MINDY3: variants seen among roughly 807,000 people sequenced by gnomAD.
MINDY3 encodes the protein MINDY lysine 48 deubiquitinase 3.
MINDY3 carries 38 observed loss-of-function variants against 69.2 expected under a neutral mutation model. That is an observed-to-expected ratio of 0.55 (90% CI 0.42 to 0.72). The LOEUF (loss-of-function observed/expected upper bound fraction) is 0.72, where lower values mean the gene tolerates loss of function less well. Ranked by LOEUF, MINDY3 falls within the 30% of genes least tolerant of loss-of-function variation. MINDY3 has a pLI of 0.00. For synonymous variants in MINDY3, 192 were observed against 180.1 expected (o/e 1.07, Z -0.53); for missense variants, 522 against 519.0 (o/e 1.01, Z -0.06).
intron 8 of MINDY3, among the ~76,000 whole-genome samples, chr10:15,822,326 GTC>G (rs1378309170): frequency 6.6e-6 from 1 of 151,910 alleles, no homozygotes; most frequent in African/African-American, 2.4e-5. Context: ...AACATATGTG[GTC>G]TCTCTGTACA....
chr10:15,816,282 G>GAAAAA (rs1421619763), intron 10 of MINDY3, among the ~76,000 whole-genome samples: 5 of 108,510 alleles, frequency 4.6e-5, no homozygotes, highest in African/African-American at 2.5e-4. Flanking sequence ...AAAAAAAAAT[G>GAAAAA]AAAAAGAAAA....
At chr10:15,785,730 A>T (rs1035037802) in intron 13 of MINDY3, among the ~76,000 whole-genome samples, 1 of 152,164 alleles carries the variant, frequency 6.6e-6, no homozygotes, top group Non-Finnish European at 1.5e-5. Context: ...TTTTATCTTG[A>T]GTTTAACAAT....
At chr10:15,798,039 C>A (rs775595602) in intron 10 of MINDY3, among the ~76,000 whole-genome samples, 1 of 152,238 alleles carries the variant, frequency 6.6e-6, no homozygotes, top group Non-Finnish European at 1.5e-5. Context: ...CTTACAGGGG[C>A]ACAAAATCAG....
intron 8 of MINDY3, 23 bp from the exon 9 acceptor site, chr10:15,821,749 C>CA (rs758272069): frequency 2.5e-6 from 4 of 1,590,274 alleles, no homozygotes; most frequent in Non-Finnish European, 3.4e-6. Flanking sequence ...ACAACAACAA[C>CA]AAAAAACGAA....
At chr10:15,845,552 G>A (rs1251395976) in intron 2 of MINDY3, among the ~76,000 whole-genome samples, 2 of 151,936 alleles carry the variant, frequency 1.3e-5, no homozygotes, top group Admixed American at 6.6e-5. Flanking sequence ...CAGGTTGGAG[G>A]GCAGTGGCAT....
At chr10:15,819,654 C>G (rs1167589971) in intron 9 of MINDY3, among the ~76,000 whole-genome samples, 1 of 152,158 alleles carries the variant, frequency 6.6e-6, no homozygotes, top group Non-Finnish European at 1.5e-5. Flanking sequence ...ACCCCAGTCC[C>G]CAGATGCAAT....
At chr10:15,825,941 A>C (rs781272466) in intron 8 of MINDY3, among the ~76,000 whole-genome samples, 8 of 152,166 alleles carry the variant, frequency 5.3e-5, no homozygotes, top group Admixed American at 2.6e-4. Context: ...CCCATAAAGA[A>C]AATTATAAAA....
At chr10:15,800,460 AGAG>A in intron 10 of MINDY3, among the ~76,000 whole-genome samples, 1 of 152,294 alleles carries the variant, frequency 6.6e-6, no homozygotes, top group South Asian at 2.1e-4. Context: ...GTATCTGCTC[AGAG>A]CACAAGTATG....
intron 3 of MINDY3, 36 bp downstream of exon 3, chr10:15,843,176 G>C: frequency 6.5e-7 from 1 of 1,549,618 alleles, no homozygotes; most frequent in Non-Finnish European, 8.9e-7. Flanking sequence ...TTAAAACAGA[G>C]GAGGAAGCAA....
chr10:15,847,805 A>G, intron 2 of MINDY3, 59 bp downstream of exon 2: 2 of 1,225,012 alleles, frequency 1.6e-6, no homozygotes, highest in South Asian at 1.2e-5. Context: ...TTAGAAAACG[A>G]CAAGTATGAA....
chr10:15,799,781 C>T (rs2131898999), intron 10 of MINDY3, among the ~76,000 whole-genome samples: 1 of 152,094 alleles, frequency 6.6e-6, no homozygotes, highest in South Asian at 2.1e-4. Context: ...GATTTTCGAA[C>T]TTTTAGAGTT....
chr10:15,858,363 C>A (rs893425392), intron 1 of MINDY3, among the ~76,000 whole-genome samples: 1 of 152,156 alleles, frequency 6.6e-6, no homozygotes, highest in African/African-American at 2.4e-5. Flanking sequence ...TTATAAAGTT[C>A]TATTTAGAAT....
At chr10:15,784,992 T>C (rs999424096) in intron 13 of MINDY3, among the ~76,000 whole-genome samples, 4 of 152,116 alleles carry the variant, frequency 2.6e-5, no homozygotes, top group Non-Finnish European at 5.9e-5. Flanking sequence ...TTCTCTAACT[T>C]GGGCCTCCAG....
In MINDY3 at chr10:15,821,683, T is replaced by A; in HGVS notation, c.774A>T (p.Thr258=). 6.2e-7 allele frequency: 1 copy of A among 1,611,814 alleles called. No individual in the cohort carries two copies. Among genetic ancestry groups the A allele is most frequent in the South Asian group, 1.1e-5 (1 of 90,466 alleles). Residue 258 remains threonine, a synonymous_variant, in exon 9 of 15, where the codon ACA becomes ACT. Coordinates refer to ENST00000277632, the MANE Select transcript of MINDY3 (RefSeq NM_024948.4). ...IHEQAAVGFL[T]LMEALRYCKV... The stretch of plus-strand genomic sequence containing the variant: ...TACAGTATCTTAAAGCTTCCATTAG[T>A]GTTAAAAATCCTACTGCTGCTTGTT...
At chr10:15,823,591 T>G (rs1472673694) in intron 8 of MINDY3, among the ~76,000 whole-genome samples, 1 of 152,192 alleles carries the variant, frequency 6.6e-6, no homozygotes, top group East Asian at 1.9e-4. Context: ...TTATGTTTTA[T>G]TTCTACAAAT....
At chr10:15,783,186 G>GT (rs1836685238) in intron 13 of MINDY3, among the ~76,000 whole-genome samples, 1 of 152,120 alleles carries the variant, frequency 6.6e-6, no homozygotes, top group African/African-American at 2.4e-5. Flanking sequence ...AGACCTCCCA[G>GT]TGCTGTTCAA....
chr10:15,829,133 G>T (rs199613061), intron 8 of MINDY3, among the ~76,000 whole-genome samples: 3 of 152,046 alleles, frequency 2.0e-5, no homozygotes, highest in South Asian at 2.1e-4. Context: ...GAATGAAGCC[G>T]ACTGAGGTAA....
At chr10:15,853,195 A>G (rs1161521336) in intron 1 of MINDY3, among the ~76,000 whole-genome samples, 1 of 152,116 alleles carries the variant, frequency 6.6e-6, no homozygotes, top group Non-Finnish European at 1.5e-5. Flanking sequence ...TGTGAATTAG[A>G]AAAGGGAAAG....
intron 10 of MINDY3, among the ~76,000 whole-genome samples, chr10:15,804,937 G>A (rs1284988273): frequency 6.6e-6 from 1 of 152,096 alleles, no homozygotes; most frequent in African/African-American, 2.4e-5. Flanking sequence ...ACTGCTGTGA[G>A]GCACCAATCT....
Sources: allele counts gnomAD v4.1 joint callset (sites outside exome capture counted in the v4.1 genomes callset), GRCh38; gene constraint gnomAD v4.1.1; transcripts MANE v1.5; gene names NCBI Gene and HGNC (gene_info 2026-07-23, HGNC 2026-07-21).